Variants in DDX17 observed in about 807,000 individuals in gnomAD.
DDX17 encodes the protein probable ATP-dependent RNA helicase DDX17.
In DDX17, 10 loss-of-function variants were observed where a neutral mutation model predicts 80.8. The observed-to-expected ratio is 0.12, with a 90% CI of 0.08 to 0.21. The LOEUF (loss-of-function observed/expected upper bound fraction) is 0.21. Among genes scored for constraint, DDX17 ranks in the 10% least tolerant of loss-of-function variants. The pLI is 1.00. For synonymous variants in DDX17, 339 were observed against 336.2 expected (o/e 1.01, Z -0.09); for missense variants, 586 against 957.4 (o/e 0.61, Z 5.12).
Position 38,484,673 on chromosome 22 carries a change from C to A in DDX17, c.*1262G>T, listed in dbSNP as rs1349889882. The A allele has an allele frequency of 6.6e-6, 1 of 152,146 alleles. No homozygotes were observed. The highest frequency in any genetic ancestry group is 1.5e-5 in the Non-Finnish European group (1 of 68,030). The allele number at this position is 152,146 out of a possible 1,614,324, so 9.4% of individuals were successfully genotyped here. A position where few individuals can be genotyped will look rare whatever the true frequency, so the allele number is the denominator to read the frequency against. On this transcript the variant is annotated 3_prime_UTR_variant, in exon 13 of 13. Coordinates refer to ENST00000403230, the MANE Select transcript of DDX17 (RefSeq NM_006386.5). ...CATCTGCTATAAAGTCTTGGTAAAA[C>A]AGCATTACCATGAAGAGGATGAACT...
At chr22:38,491,908 A>G in intron 11 of DDX17, 148 bp downstream of exon 11, 2 of 527,790 alleles carry the variant, frequency 3.8e-6, no homozygotes, top group Non-Finnish European at 6.4e-6. Flanking sequence ...GGGAATGGGG[A>G]GAATCACGCT....
rs1214887180 is a variant in DDX17, at chr22:38,485,328, A to G, written c.*607T>C. 1 of 152,224 alleles carries G rather than the reference A, an allele frequency of 6.6e-6. No individual in the cohort carries two copies. The highest frequency in any genetic ancestry group is 1.5e-5 in the Non-Finnish European group (1 of 68,054). The allele number at this position is 152,224 out of a possible 1,614,324, so 9.4% of individuals were successfully genotyped here. ...GTGGGGAGGCAGAGTGTGAAGGGAA[A>G]TAAAACCAATTAGTAATTTTTAACT... On this transcript the variant is annotated 3_prime_UTR_variant, in exon 13 of 13. Coordinates refer to ENST00000403230, the MANE Select transcript of DDX17 (RefSeq NM_006386.5).
rs778210398 is a variant in DDX17, at chr22:38,485,475, A to T, written c.*460T>A. 1 of 152,174 alleles carries T rather than the reference A, an allele frequency of 6.6e-6. No homozygotes were observed. Among genetic ancestry groups the T allele is most frequent in the Non-Finnish European group, 1.5e-5 (1 of 68,092 alleles). The allele number at this position is 152,174 out of a possible 1,614,324, so 9.4% of individuals were successfully genotyped here. On this transcript the variant is annotated 3_prime_UTR_variant, in exon 13 of 13. Transcript: ENST00000403230. ...TCCCTCTTTGTTTTCTAACCCAGTA[A>T]TGAGAAATTTAAAGCACAGATGCCA...
At chr22:38,490,251 TA>T in intron 11 of DDX17, 1 of 1,244,190 alleles carries the variant, frequency 8.0e-7, no homozygotes, top group Non-Finnish European at 1.0e-6. Context: ...AATCCAAAGT[TA>T]ATGTTTTGGC....
rs112888222 is a variant in DDX17, at chr22:38,500,965, T to C, written c.438+165A>G. On this transcript the variant is annotated intron_variant, in intron 2 of 12. Coordinates refer to ENST00000403230, the MANE Select transcript of DDX17 (RefSeq NM_006386.5). The stretch of plus-strand genomic sequence containing the variant: ...GGGGAATATGGCGAAACCCGGTCTC[T>C]ACAAAAAGGAAAAAAAAAAAAAAAT... Among the ~76,000 whole-genome samples, 381 of 98,302 alleles carry C rather than the reference T, an allele frequency of 3.9e-3. 2 individuals are homozygous for C. The highest frequency in any genetic ancestry group is 0.013 in the African/African-American group (365 of 27,444). The allele number at this position is 98,302 out of a possible 152,430, so 64.5% of individuals were successfully genotyped here.
intron 1 of DDX17, among the ~76,000 whole-genome samples, chr22:38,504,004 C>T (rs2089855947): frequency 6.6e-6 from 1 of 152,092 alleles, no homozygotes; most frequent in African/African-American, 2.4e-5. Context: ...TCACTTTTTT[C>T]CTTTCAAATA....
intron 5 of DDX17, among the ~76,000 whole-genome samples, chr22:38,497,793 C>A (rs1193561253): frequency 6.6e-6 from 1 of 150,882 alleles, no homozygotes; most frequent in Non-Finnish European, 1.5e-5. Context: ...AACAAAAAAA[C>A]AAAAAAAACC....
Position 38,494,641 on chromosome 22 carries a change from T to A in DDX17, c.1203A>T (p.Glu401Asp). ...AATATCTTTCATACTTGTGGTCTTT[T>A]TCACTTTCCATGCAGACATCCACTA... The change falls in exon 8 of 13, where the codon GAA becomes GAT. Residue 401 changes from glutamate (E) to aspartate (D), a missense_variant. This residue lies in a region of DDX17 where 141 missense variants were observed against 379.3 expected (regional missense o/e 0.37). Coordinates refer to ENST00000403230, the MANE Select transcript of DDX17 (RefSeq NM_006386.5). The A allele has an allele frequency of 6.2e-7, 1 of 1,613,926 alleles. No individual in the cohort carries two copies.
In DDX17 at chr22:38,486,050, A is replaced by AGTGGCT; in HGVS notation, c.2069_2074dup (p.Gln690_Pro691dup). 2.5e-6 allele frequency: 4 copies of AGTGGCT among 1,614,124 alleles called. No individual in the cohort carries two copies. The highest frequency in any genetic ancestry group is 3.4e-6 in the Non-Finnish European group (4 of 1,180,010). ...AGGCTGTGCAAACTGTTGTGACATCAGTGGCTGTGGCTGCTGCCCAGACCG... is the reference window on the plus strand; with the variant it reads ...AGGCTGTGCAAACTGTTGTGACATCAGTGGCTGTGGCTGTGGCTGCTGCCCAGACCG... On this transcript the variant is annotated inframe_insertion, in exon 13 of 13. Transcript: ENST00000403230.
Position 38,492,547 on chromosome 22 carries a change from C to T in DDX17, c.1388-432G>A, listed in dbSNP as rs140065520. ...TATTGCCGAGGCTGGAGTGCAGTGG[C>T]GCAATCTCAGCTCACCGCAACCTCC... On this transcript the variant is annotated intron_variant, in intron 10 of 12. Coordinates refer to ENST00000403230, the MANE Select transcript of DDX17 (RefSeq NM_006386.5). 6.7e-4 allele frequency among the ~76,000 whole-genome samples: 102 copies of T among 152,242 alleles called. 2 individuals are homozygous for T. In the East Asian group the frequency reaches 0.018, roughly 26 times the overall value.
At chr22:38,495,188 T>C in intron 6 of DDX17, 142 bp from the exon 7 acceptor site, 1 of 711,878 alleles carries the variant, frequency 1.4e-6, no homozygotes, top group South Asian at 1.9e-5. Flanking sequence ...AGACCCCGAC[T>C]CTACAAAAAT....
Position 38,489,978 on chromosome 22 carries a change from G to C in DDX17, c.1448-1863C>G, listed in dbSNP as rs1000777747. 36 of 1,012,468 alleles carry C rather than the reference G, an allele frequency of 3.6e-5. No individual in the cohort carries two copies. The highest frequency in any genetic ancestry group is 4.0e-5 in the Non-Finnish European group (34 of 845,578). The allele number at this position is 1,012,468 out of a possible 1,614,324, so 62.7% of individuals were successfully genotyped here. On this transcript the variant is annotated intron_variant, in intron 11 of 12. Coordinates refer to ENST00000403230, the MANE Select transcript of DDX17 (RefSeq NM_006386.5). The surrounding 1 kb of genome is among the most constrained non-coding windows in gnomAD (Gnocchi z 4.6). ...TGGATGCGTTAAGTGTGCTTTCCTA[G>C]CAGAAAGCACCAGGGTGGAGTCAAC...
rs761197794 is a variant in DDX17 at position 38,492,044 on chromosome 22, A to G, written c.1447+12T>C. The G allele has an allele frequency of 5.6e-6, 9 of 1,595,966 alleles. No individual in the cohort carries two copies. In the South Asian group the frequency reaches 9.0e-5, roughly 16 times the overall value. ...ACATATACCATTGACAGAGACACCTATCTATACAAACCTAGCCCACGGGAG... is the reference window on the plus strand; with the variant it reads ...ACATATACCATTGACAGAGACACCTGTCTATACAAACCTAGCCCACGGGAG... On this transcript the variant is annotated intron_variant, in intron 11 of 12. Coordinates refer to ENST00000403230, the MANE Select transcript of DDX17 (RefSeq NM_006386.5).
At chr22:38,493,896 C>G (rs556605974) in intron 9 of DDX17, 125 bp from the exon 10 acceptor site, 1 of 1,217,020 alleles carries the variant, frequency 8.2e-7, no homozygotes, top group African/African-American at 1.5e-5. Flanking sequence ...GATGACTGTG[C>G]TCATTAAAAG....
At position 38,489,102 on chromosome 22, in the gene DDX17, A is replaced by C. The variant is rs2089689878; in HGVS notation, c.1448-987T>G. 2.0e-6 allele frequency: 2 copies of C among 984,290 alleles called. No individual in the cohort carries two copies. Among genetic ancestry groups the C allele is most frequent in the African/African-American group, 3.5e-5 (2 of 57,348 alleles). 61.0% of individuals were successfully genotyped at this position (984,290 alleles called of 1,614,324 possible). A position where few individuals can be genotyped will look rare whatever the true frequency, so the allele number is the denominator to read the frequency against. On this transcript the variant is annotated intron_variant, in intron 11 of 12. Transcript: ENST00000403230. This position sits in a 1 kb window ranked among gnomAD's most constrained non-coding sequence, Gnocchi z 4.6. ...AAACAAACAATTTTAAGAATATAAC[A>C]AAGAATCCTACTGTTTTGTGGAAAA... is the stretch of plus-strand genomic sequence containing the variant.
chr22:38,493,432 G>A (rs978253129), intron 10 of DDX17: 3 of 312,420 alleles, frequency 9.6e-6, no homozygotes, highest in Non-Finnish European at 1.8e-5. Context: ...GGTGATCCAC[G>A]CGCCTCAGCC....
At chr22:38,505,902 A>C in intron 1 of DDX17, 49 bp downstream of exon 1, 2 of 1,526,152 alleles carry the variant, frequency 1.3e-6, no homozygotes, top group Non-Finnish European at 1.8e-6. Context: ...CCCAAGAAGC[A>C]ACTCCCCCAC....
intron 1 of DDX17, among the ~76,000 whole-genome samples, chr22:38,503,644 C>G (rs932032544): frequency 1.3e-5 from 2 of 152,198 alleles, no homozygotes; most frequent in African/African-American, 4.8e-5. Context: ...CTCTGGTATA[C>G]TATGCTGCTC....
At chr22:38,496,052 C>A in intron 5 of DDX17, 115 bp from the exon 6 acceptor site, 3 of 944,042 alleles carry the variant, frequency 3.2e-6, no homozygotes, top group Non-Finnish European at 4.3e-6. Flanking sequence ...TAATCTAGCA[C>A]ATTAAAAGTG....
Sources: allele counts gnomAD v4.1 joint callset (sites outside exome capture counted in the v4.1 genomes callset), GRCh38; gene constraint gnomAD v4.1.1; regional missense constraint gnomAD v4.1.1; non-coding constraint Gnocchi (gnomAD v3.1); transcripts MANE v1.5; gene names NCBI Gene and HGNC (gene_info 2026-07-23, HGNC 2026-07-21).